The following PRAMEF5 variants were observed in gnomAD, a reference collection of about 807,000 sequenced individuals.
PRAMEF5 encodes PRAME family member 5.
A neutral mutation model predicts 16.4 loss-of-function variants in PRAMEF5; 5 were observed. The observed-to-expected ratio is 0.30, with a 90% CI of 0.16 to 0.64. The LOEUF (loss-of-function observed/expected upper bound fraction) is 0.64. PRAMEF5 is among the 30% of genes least tolerant of loss of function. The pLI, the probability that PRAMEF5 is intolerant of heterozygous loss-of-function variation, is 0.80. For synonymous variants in PRAMEF5, 19 were observed against 107.3 expected (o/e 0.18, Z 5.09); for missense variants, 36 against 282.9 (o/e 0.13, Z 6.26).
downstream of PRAMEF5, chr1:13,263,431 C>G: frequency 2.0e-6 from 1 of 493,984 alleles, no homozygotes; most frequent in South Asian, 2.3e-5. Context: ...TAAAGGAAAA[C>G]TGAGTGGTAA....
intron 1 of PRAMEF5, chr1:13,255,801 T>G (rs1639314842): frequency 1.1e-5 from 1 of 89,716 alleles, no homozygotes; most frequent in Non-Finnish European, 2.6e-5. Context: ...TTTTTTTTTT[T>G]TTTTTGAATC....
intron 2 of PRAMEF5, 75 bp from the exon 3 acceptor site, chr1:13,260,147 C>G: frequency 2.6e-6 from 4 of 1,552,888 alleles, no homozygotes; most frequent in Middle Eastern, 2.3e-4. Context: ...AGGGGAGGAG[C>G]TGCTCTCCAG....
At chr1:13,262,064 T>C (rs1443316276) in intron 3 of PRAMEF5, 1 of 171,676 alleles carries the variant, frequency 5.8e-6, no homozygotes, top group Non-Finnish European at 1.2e-5. Context: ...AATTATTTTT[T>C]TCTCCTTTTT....
intron 3 of PRAMEF5, 63 bp downstream of exon 3, chr1:13,260,866 T>C: frequency 4.3e-6 from 1 of 232,724 alleles, no homozygotes; most frequent in Non-Finnish European, 7.3e-6. Context: ...TAAACGCTAG[T>C]GGGCATCTAC....
chr1:13,263,370 T>A (rs1639426266), downstream of PRAMEF5: 40 of 637,992 alleles, frequency 6.3e-5, no homozygotes, highest in South Asian at 7.2e-4. Flanking sequence ...GGCTTGAGAA[T>A]ACTTGAGGGA....
chr1:13,260,163 G>A lies in PRAMEF5; in HGVS notation c.288-59G>A, dbSNP rs1318502026. On this transcript the variant is annotated intron_variant, in intron 2 of 3. Transcript: ENST00000622421. The stretch of plus-strand genomic sequence containing the variant: ...GGGGAGGAGCTGCTCTCCAGGATGT[G>A]GAGTTTAAGTTCAGAAATGAGTTCT... The A allele has an allele frequency of 3.9e-6, 6 of 1,554,768 alleles. 1 individual carries two copies. Among genetic ancestry groups the A allele is most frequent in the Non-Finnish European group, 5.3e-6 (6 of 1,136,400 alleles).
At chr1:13,260,072 A>G (rs1479005215) in intron 2 of PRAMEF5, 150 bp from the exon 3 acceptor site, 1 of 1,276,334 alleles carries the variant, frequency 7.8e-7, no homozygotes, top group African/African-American at 1.4e-5. Flanking sequence ...AAAAATGTGG[A>G]AGTGGGCAGG....
In PRAMEF5 at chr1:13,260,902, C is replaced by G; in HGVS notation, c.869+99C>G. 2.3e-5 allele frequency: 4 copies of G among 177,048 alleles called. No individual in the cohort carries two copies. In the Admixed American group the frequency reaches 5.3e-4, roughly 23 times the overall value. The allele number at this position is 177,048 out of a possible 1,614,324, so 11.0% of individuals were successfully genotyped here. ...TGTGAGCCAGCCTATGAGGATGAAACAGTGAAGGGGACACTAGAATGTCCA... is the reference window on the plus strand; with the variant it reads ...TGTGAGCCAGCCTATGAGGATGAAAGAGTGAAGGGGACACTAGAATGTCCA... On this transcript the variant is annotated intron_variant, in intron 3 of 3. Coordinates refer to ENST00000622421, the Ensembl canonical transcript of PRAMEF5.
At chr1:13,262,085 G>A (rs1553173259) in intron 3 of PRAMEF5, 5 of 161,400 alleles carry the variant, frequency 3.1e-5, no homozygotes, top group South Asian at 1.4e-4. Context: ...TTTTTAATGC[G>A]GAGTCTCTCT....
chr1:13,260,004 A>C (rs1170500315), intron 2 of PRAMEF5: 12 of 656,088 alleles, frequency 1.8e-5, no homozygotes, highest in Middle Eastern at 8.4e-4. Context: ...AGGTGACATC[A>C]CACCACTGCA....
downstream of PRAMEF5, chr1:13,263,374 TGAGG>T: frequency 1.6e-6 from 1 of 638,774 alleles, no homozygotes; most frequent in Non-Finnish European, 2.7e-6. Flanking sequence ...TGAGAATACT[TGAGG>T]GAGTTACTCT....
intron 3 of PRAMEF5, chr1:13,262,175 C>T (rs1372622344): frequency 8.9e-6 from 1 of 112,130 alleles, no homozygotes; most frequent in South Asian, 2.8e-4. Flanking sequence ...GATTCTTCTG[C>T]CTCAGCTTCC....
intron 2 of PRAMEF5, chr1:13,259,831 G>A (rs1262009319): frequency 3.6e-6 from 1 of 281,558 alleles, no homozygotes; most frequent in Non-Finnish European, 6.6e-6. Context: ...ACATTGGGAG[G>A]CTGAGGCCAA....
Position 13,260,360 on chromosome 1 carries a change from A to C in PRAMEF5, c.426A>C (p.Arg142Ser), listed in dbSNP as rs1639380787. The change falls in exon 3 of 4, where the codon AGA (arginine) becomes AGC (serine). Residue 142 changes from arginine (R) to serine (S), a missense_variant. Coordinates refer to ENST00000622421, the Ensembl canonical transcript of PRAMEF5. ...CAGTGCAGGACTGTCCAAGGATGAG[A>C]GGACAGCAGCCCTTGACTGTGTTCG... 5.7e-6 allele frequency: 9 copies of C among 1,568,668 alleles called. No homozygotes were observed. In the Admixed American group the frequency reaches 1.6e-4, roughly 27 times the overall value.
At chr1:13,263,399 G>T, downstream of PRAMEF5, 3 of 580,198 alleles carry the variant, frequency 5.2e-6, no homozygotes, top group Middle Eastern at 4.7e-4. Context: ...TGGATGCATG[G>T]TTGTAAAGAA....
rs1553173649 is a variant in PRAMEF5 at position 13,260,110 on chromosome 1, A to T, written c.288-112A>T. On this transcript the variant is annotated intron_variant, in intron 2 of 3. Coordinates refer to ENST00000622421, the Ensembl canonical transcript of PRAMEF5. ...CCAAGGGGAAAACAGGGTGAAGAAAAGTCAGAGAGAGGGACAAGAAGCAGG... is the reference window on the plus strand; with the variant it reads ...CCAAGGGGAAAACAGGGTGAAGAAATGTCAGAGAGAGGGACAAGAAGCAGG... 409 of 1,532,480 alleles carry T rather than the reference A, an allele frequency of 2.7e-4. 2 individuals carry two copies. The highest frequency in any genetic ancestry group is 2.6e-3 in the African/African-American group (194 of 73,310). The allele number at this position is 1,532,480 out of a possible 1,614,324, so 94.9% of individuals were successfully genotyped here. A position where few individuals can be genotyped will look rare whatever the true frequency, so the allele number is the denominator to read the frequency against.
At chr1:13,255,827 G>GCTGGAGTT (rs1167468253) in intron 1 of PRAMEF5, 5 of 136,662 alleles carry the variant, frequency 3.7e-5, no homozygotes, top group Admixed American at 1.5e-4. Context: ...TATTTCCCAG[G>GCTGGAGTT]CTGGAGTTCA....
chr1:13,260,849 G>A, intron 3 of PRAMEF5, 46 bp downstream of exon 3: 2 of 270,966 alleles, frequency 7.4e-6, no homozygotes, highest in Non-Finnish European at 1.2e-5. Flanking sequence ...AGCAGAGCCT[G>A]TTACAGTAAA....
downstream of PRAMEF5, chr1:13,263,400 T>G (rs1569734747): frequency 5.2e-6 from 3 of 578,462 alleles, no homozygotes; most frequent in South Asian, 6.4e-5. Flanking sequence ...GGATGCATGG[T>G]TGTAAAGAAA....
Sources: allele counts gnomAD v4.1 joint callset, GRCh38; gene constraint gnomAD v4.1.1; transcripts MANE v1.5; gene names NCBI Gene and HGNC (gene_info 2026-07-23, HGNC 2026-07-21).